The following TBC1D31 variants were observed in gnomAD, a reference collection of about 807,000 sequenced individuals.
The protein encoded by TBC1D31 is TBC1 domain family member 31.
In TBC1D31, 99 loss-of-function variants were observed where a neutral mutation model predicts 132.9. The ratio of observed to expected loss-of-function variants is 0.74; its 90% confidence interval spans 0.63 to 0.88. The LOEUF is 0.88. Among genes scored for constraint, TBC1D31 ranks in the 40% least tolerant of loss-of-function variants. TBC1D31 has a pLI of 0.00. For missense variants in TBC1D31, 1,134 were observed against 1,256.6 expected, an observed-to-expected ratio of 0.90 and a Z score of 1.48; for synonymous variants, 385 against 419.4, an observed-to-expected ratio of 0.92 and a Z score of 1.00.
At chr8:123,128,983 A>T in intron 14 of TBC1D31, 83 bp from the exon 15 acceptor site, 3 of 896,166 alleles carry the variant, frequency 3.3e-6, no homozygotes, top group South Asian at 5.7e-5. Context: ...AAAATAGATT[A>T]TACATTAATC....
chr8:123,112,031 T>G (rs1818494706), intron 10 of TBC1D31, among the ~76,000 whole-genome samples: 1 of 152,168 alleles, frequency 6.6e-6, no homozygotes, highest in Non-Finnish European at 1.5e-5. Flanking sequence ...ATTTATTTAT[T>G]TTTAAGTAGA....
At chr8:123,134,460 G>T (rs944736936) in intron 17 of TBC1D31, among the ~76,000 whole-genome samples, 1 of 151,964 alleles carries the variant, frequency 6.6e-6, no homozygotes, top group Non-Finnish European at 1.5e-5. Context: ...CCTGGAGTTC[G>T]AGGCTGCAGT....
chr8:123,138,482 A>T (rs1173775894), intron 17 of TBC1D31, among the ~76,000 whole-genome samples: 2 of 152,164 alleles, frequency 1.3e-5, no homozygotes, highest in Non-Finnish European at 2.9e-5. Flanking sequence ...GTGATATGAG[A>T]TTATTTGGTA....
chr8:123,114,317 T>TTTGTTG (rs149336241), intron 10 of TBC1D31, among the ~76,000 whole-genome samples: 40,731 of 151,456 alleles, frequency 0.27, 5,477 homozygotes, highest in African/African-American at 0.3. Flanking sequence ...TTGTTTGTTT[T>TTTGTTG]TTGTTGTTGT....
intron 17 of TBC1D31, 117 bp from the exon 18 acceptor site, chr8:123,140,644 T>C (rs1821559165): frequency 2.3e-6 from 2 of 876,302 alleles, no homozygotes; most frequent in Non-Finnish European, 3.4e-6. Context: ...AATTTTACTT[T>C]GAAAATTAGA....
At chr8:123,107,663 T>C (rs897575524) in intron 8 of TBC1D31, among the ~76,000 whole-genome samples, 49 of 152,206 alleles carry the variant, frequency 3.2e-4, no homozygotes, top group Admixed American at 2.6e-3. Flanking sequence ...TGAGCAACTT[T>C]GGGAAGTAAA....
In TBC1D31 at chr8:123,140,854, C is replaced by T; in HGVS notation, c.2593C>T (p.His865Tyr). The change falls in exon 18 of 22, where the codon CAT (histidine) becomes TAT (tyrosine). Residue 865 changes from histidine (H) to tyrosine (Y), a missense_variant. Transcript: ENST00000287380. ...AGTGGATCTTGAAGAACACATGTTT[C>T]ATAAGCTGATAGAAGCAGGTGAAAC... is the stretch of plus-strand genomic sequence containing the variant. The part of the protein sequence containing the change: ...RKVDLEEHMF[H>Y]KLIEAGETQS... The T allele has an allele frequency of 6.2e-7, 1 of 1,613,828 alleles. No homozygotes were observed. The highest frequency in any genetic ancestry group is 8.5e-7 in the Non-Finnish European group (1 of 1,179,902).
downstream of TBC1D31, among the ~76,000 whole-genome samples, chr8:123,156,871 T>G (rs1317642822): frequency 1.3e-5 from 2 of 152,172 alleles, no homozygotes; most frequent in Non-Finnish European, 2.9e-5. Flanking sequence ...GGCCTTGAAC[T>G]CGGCCGCGCT....
the TBC1D31 span, among the ~76,000 whole-genome samples, chr8:123,161,173 C>CCT: frequency 1.6e-4 from 24 of 152,328 alleles, no homozygotes; most frequent in Admixed American, 2.6e-4. Flanking sequence ...CCGACCAAGA[C>CCT]CTTCCGGCCC....
chr8:123,158,018 C>CTT, the TBC1D31 span, among the ~76,000 whole-genome samples: 31 of 117,678 alleles, frequency 2.6e-4, no homozygotes, highest in African/African-American at 8.2e-4. Context: ...TTTTTTCTTC[C>CTT]TTTTTTTTTT....
At chr8:123,099,908 G>T (rs574021654) in intron 6 of TBC1D31, among the ~76,000 whole-genome samples, 7 of 152,226 alleles carry the variant, frequency 4.6e-5, no homozygotes, top group African/African-American at 1.4e-4. Flanking sequence ...GTGAGAAAGG[G>T]AGGGAGGAAT....
the TBC1D31 span, among the ~76,000 whole-genome samples, chr8:123,159,193 T>C: frequency 2.0e-5 from 3 of 147,648 alleles, no homozygotes; most frequent in Admixed American, 6.9e-5. Context: ...GGTGTAGCAG[T>C]CCCAGGACTG....
intron 20 of TBC1D31, among the ~76,000 whole-genome samples, chr8:123,146,149 C>T (rs7006638): frequency 0.18 from 27,976 of 152,080 alleles, 2,642 homozygotes; most frequent in South Asian, 0.22. Context: ...GGATTACAGG[C>T]GTGCCCAGCA....
In TBC1D31 at chr8:123,138,029, G is replaced by A. The variant is rs554450628; in HGVS notation, c.2500-2732G>A. On this transcript the variant is annotated intron_variant, in intron 17 of 21. Transcript: ENST00000287380. ...TGGACAACTCCAGTATGCACACGTC[G>A]TCCAATATGTTTCTTCATACCACTA... Among the ~76,000 whole-genome samples the A allele has an allele frequency of 1.1e-4, 16 of 152,116 alleles. No homozygotes were observed. In the South Asian group the frequency reaches 2.1e-3, roughly 20 times the overall value.
intron 10 of TBC1D31, among the ~76,000 whole-genome samples, chr8:123,117,072 T>C (rs1000426936): frequency 6.6e-6 from 1 of 152,158 alleles, no homozygotes; most frequent in South Asian, 2.1e-4. Context: ...CCCAGCACTT[T>C]GGGAGGTCAA....
At chr8:123,125,077 G>T (rs1819901989) in intron 11 of TBC1D31, among the ~76,000 whole-genome samples, 1 of 152,076 alleles carries the variant, frequency 6.6e-6, no homozygotes, top group South Asian at 2.1e-4. Flanking sequence ...TGGAACTCCA[G>T]AATTGGAAAG....
At chr8:123,137,767 A>G (rs1329910483) in intron 17 of TBC1D31, among the ~76,000 whole-genome samples, 7 of 152,254 alleles carry the variant, frequency 4.6e-5, no homozygotes, top group East Asian at 1.9e-4. Flanking sequence ...GGCATGGCCA[A>G]TATCTCCAGG....
chr8:123,121,524 T>C (rs1351030823), intron 11 of TBC1D31, among the ~76,000 whole-genome samples: 1 of 152,122 alleles, frequency 6.6e-6, no homozygotes, highest in Non-Finnish European at 1.5e-5. Context: ...ATTCCCTTGG[T>C]TGTAAGCGAG....
At chr8:123,154,927 C>T (rs1822948716), downstream of TBC1D31, among the ~76,000 whole-genome samples, 1 of 152,164 alleles carries the variant, frequency 6.6e-6, no homozygotes, top group Non-Finnish European at 1.5e-5. Flanking sequence ...CCTTCCAGCA[C>T]CCTCTATTGA....
Sources: gnomAD v4.1 joint callset for allele counts (sites outside exome capture counted in the v4.1 genomes callset) on GRCh38, gnomAD v4.1.1 for gene constraint, MANE v1.5 for transcripts, NCBI Gene and HGNC (gene_info 2026-07-23, HGNC 2026-07-21) for gene names.